The following YAF2 variants were observed in gnomAD, a reference collection of about 807,000 sequenced individuals.
YAF2 encodes YY1-associated factor 2.
YAF2 carries 7 observed loss-of-function variants against 20.1 expected under a neutral mutation model. The ratio of observed to expected loss-of-function variants is 0.35; its 90% CI spans 0.20 to 0.65. YAF2 has a LOEUF of 0.65. Among genes scored for constraint, YAF2 ranks in the 30% least tolerant of loss-of-function variants. YAF2 has a pLI of 0.69. For missense variants in YAF2, 151 were observed against 219.2 expected (o/e 0.69, Z 1.96); for synonymous variants, 74 against 76.0 (o/e 0.97, Z 0.14).
At chr12:42,209,465 G>A (rs2067142730) in intron 2 of YAF2, among the ~76,000 whole-genome samples, 1 of 148,416 alleles carries the variant, frequency 6.7e-6, no homozygotes, top group African/African-American at 2.5e-5. Flanking sequence ...TCAGGAGGCT[G>A]AAGTGGGAGG....
chr12:42,190,335 G>A (rs1230826727), intron 2 of YAF2, among the ~76,000 whole-genome samples: 1 of 152,122 alleles, frequency 6.6e-6, no homozygotes, highest in Non-Finnish European at 1.5e-5. Flanking sequence ...CAGAGTGAGT[G>A]CAACCGTCTC....
intron 2 of YAF2, among the ~76,000 whole-genome samples, chr12:42,167,212 C>T (rs1020643906): frequency 1.3e-5 from 2 of 151,896 alleles, no homozygotes; most frequent in African/African-American, 2.4e-5. Flanking sequence ...ACCTAGATGA[C>T]GGGTTGACAG....
intron 2 of YAF2, among the ~76,000 whole-genome samples, chr12:42,179,853 A>G (rs1282485465): frequency 6.6e-6 from 1 of 152,040 alleles, no homozygotes; most frequent in Non-Finnish European, 1.5e-5. Context: ...TAGAGTTCAC[A>G]GAAAACAATT....
At chr12:42,189,514 TA>T (rs746141733) in intron 2 of YAF2, among the ~76,000 whole-genome samples, 2 of 152,278 alleles carry the variant, frequency 1.3e-5, no homozygotes, top group Non-Finnish European at 2.9e-5. Flanking sequence ...GGAGAACCAT[TA>T]GGGGCCTGAG....
intron 2 of YAF2, among the ~76,000 whole-genome samples, chr12:42,192,421 A>T (rs753113160): frequency 3.3e-5 from 5 of 150,872 alleles, no homozygotes; most frequent in Admixed American, 6.6e-5. Flanking sequence ...AGTTGATAGG[A>T]TCACTTGAGC....
intron 2 of YAF2, chr12:42,237,355 G>A (rs1254435529): frequency 2.6e-6 from 3 of 1,155,902 alleles, no homozygotes; most frequent in African/African-American, 3.3e-5. Flanking sequence ...AGTAGCTAAT[G>A]CCTCCCTTAA....
At chr12:42,227,878 C>T (rs1592055067) in intron 2 of YAF2, among the ~76,000 whole-genome samples, 1 of 141,864 alleles carries the variant, frequency 7.0e-6, no homozygotes, top group Non-Finnish European at 1.5e-5. Context: ...CCAGCCGCCC[C>T]GTCCGGGAGG....
In YAF2 at chr12:42,157,981, T is replaced by C. The variant is rs921334538; in HGVS notation, c.*2608A>G. ...AATGCTGGAAAACATCCAAATTCTT[T>C]TTGTATGGAATTTGGCTAAAAGAAC... On this transcript the variant is annotated 3_prime_UTR_variant, in exon 4 of 4. Transcript: ENST00000534854. The C allele has an allele frequency of 2.2e-4, 33 of 152,130 alleles. No homozygotes were observed. Among genetic ancestry groups the C allele is most frequent in the African/African-American group, 7.7e-4 (32 of 41,428 alleles). 9.4% of individuals were successfully genotyped at this position (152,130 alleles called of 1,614,324 possible).
At chr12:42,214,775 G>A (rs146921260) in intron 2 of YAF2, among the ~76,000 whole-genome samples, 1,591 of 151,852 alleles carry the variant, frequency 0.01, 28 homozygotes, top group African/African-American at 0.037. Flanking sequence ...AGGCTGAGGT[G>A]GGTGGATCAC....
At chr12:42,214,276 T>A (rs2067290993) in intron 2 of YAF2, among the ~76,000 whole-genome samples, 1 of 152,174 alleles carries the variant, frequency 6.6e-6, no homozygotes, top group African/African-American at 2.4e-5. Flanking sequence ...AAATACCTCC[T>A]CTTATCCTTT....
intron 2 of YAF2, among the ~76,000 whole-genome samples, chr12:42,181,542 G>A (rs1250711764): frequency 6.6e-6 from 1 of 152,208 alleles, no homozygotes; most frequent in East Asian, 1.9e-4. Context: ...TATACCAATA[G>A]TGGGCTCTGT....
At chr12:42,190,737 T>C (rs1359848354) in intron 2 of YAF2, among the ~76,000 whole-genome samples, 2 of 152,128 alleles carry the variant, frequency 1.3e-5, no homozygotes, top group African/African-American at 4.8e-5. Context: ...CTTTAGACCT[T>C]TGACTTAAGT....
At chr12:42,202,395 G>A (rs2066923244) in intron 2 of YAF2, among the ~76,000 whole-genome samples, 3 of 152,256 alleles carry the variant, frequency 2.0e-5, no homozygotes, top group Admixed American at 2.0e-4. Context: ...CATGCTCCAG[G>A]AGGCTCCCTC....
At chr12:42,185,099 G>T (rs2066437440) in intron 2 of YAF2, among the ~76,000 whole-genome samples, 1 of 152,166 alleles carries the variant, frequency 6.6e-6, no homozygotes, top group African/African-American at 2.4e-5. Context: ...GATGGCTTGA[G>T]CCTGGGAGGC....
chr12:42,177,158 C>G (rs1259673595), intron 2 of YAF2, among the ~76,000 whole-genome samples: 1 of 152,142 alleles, frequency 6.6e-6, no homozygotes, highest in Non-Finnish European at 1.5e-5. Flanking sequence ...TCAACAAAAT[C>G]CAAAATTATT....
chr12:42,207,759 C>T (rs1295612911), intron 2 of YAF2, among the ~76,000 whole-genome samples: 1 of 151,968 alleles, frequency 6.6e-6, no homozygotes, highest in Non-Finnish European at 1.5e-5. Flanking sequence ...GGCGTCGTGG[C>T]GGGCGCCTGT....
At chr12:42,217,277 G>T (rs192623142) in intron 2 of YAF2, among the ~76,000 whole-genome samples, 1 of 152,220 alleles carries the variant, frequency 6.6e-6, no homozygotes, top group Admixed American at 6.5e-5. Context: ...TAAGAAAATG[G>T]TTTTATTCCT....
chr12:42,194,083 G>C (rs964104058), intron 2 of YAF2, among the ~76,000 whole-genome samples: 1 of 152,160 alleles, frequency 6.6e-6, no homozygotes, highest in African/African-American at 2.4e-5. Context: ...TTTAAGCTAA[G>C]TGTCACTACA....
At position 42,169,809 on chromosome 12, in the gene YAF2, TA is replaced by T. The variant is rs558234383; in HGVS notation, c.153-8045del. 7.9e-5 allele frequency among the ~76,000 whole-genome samples: 12 copies of T among 152,258 alleles called. No homozygotes were observed. The East Asian group carries it at 2.3e-3, about 29-fold the overall frequency. ...GTGGTGGAGCTACAAGACTAAATTT[TA>T]GGAAGTAGCAGGGTTAGAGATATAT... On this transcript the variant is annotated intron_variant, in intron 2 of 3. Coordinates refer to ENST00000534854, the MANE Select transcript of YAF2 (RefSeq NM_005748.6).
Sources: gnomAD v4.1 joint callset for allele counts (sites outside exome capture counted in the v4.1 genomes callset) on GRCh38, gnomAD v4.1.1 for gene constraint, MANE v1.5 for transcripts, NCBI Gene and HGNC (gene_info 2026-07-23, HGNC 2026-07-21) for gene names.